Variants in ARNT2 observed in about 807,000 individuals in gnomAD.
ARNT2 encodes the protein aryl hydrocarbon receptor nuclear translocator 2.
A neutral mutation model predicts 91.7 loss-of-function variants in ARNT2; 36 were observed. The observed-to-expected ratio is 0.39, with a 90% CI of 0.30 to 0.52. ARNT2 has a LOEUF of 0.52. Ranked by LOEUF, ARNT2 falls within the 20% of genes least tolerant of loss-of-function variation. ARNT2 has a pLI of 0.72. For synonymous variants in ARNT2, 365 were observed against 347.1 expected (o/e 1.05, Z -0.57); for missense variants, 775 against 939.3 (o/e 0.83, Z 2.29).
chr15:80,450,484 G>A (rs186017270), intron 1 of ARNT2, among the ~76,000 whole-genome samples: 3 of 152,338 alleles, frequency 2.0e-5, no homozygotes, highest in Non-Finnish European at 2.9e-5. Context: ...CTCTCAGGGC[G>A]TGTGCCCCAT....
intron 6 of ARNT2, among the ~76,000 whole-genome samples, chr15:80,513,630 G>A (rs1897378119): frequency 6.9e-6 from 1 of 145,348 alleles, no homozygotes; most frequent in Non-Finnish European, 1.5e-5. Context: ...CTCTCCTAGA[G>A]TCTTTCTGTA....
intron 5 of ARNT2, among the ~76,000 whole-genome samples, chr15:80,507,373 G>A (rs1398838154): frequency 1.3e-5 from 2 of 152,150 alleles, no homozygotes; most frequent in Non-Finnish European, 2.9e-5. Flanking sequence ...AGGCGGTGAG[G>A]GAGAGGAGGG....
intron 1 of ARNT2, among the ~76,000 whole-genome samples, chr15:80,416,715 GT>G (rs1895790850): frequency 6.6e-6 from 1 of 151,822 alleles, no homozygotes; most frequent in Non-Finnish European, 1.5e-5. Context: ...TCTCAATTTG[GT>G]TTTGTCTGAT....
chr15:80,496,709 T>A (rs114700105), intron 5 of ARNT2, among the ~76,000 whole-genome samples: 1 of 152,338 alleles, frequency 6.6e-6, no homozygotes, highest in African/African-American at 2.4e-5. Flanking sequence ...GAGCTCAGCT[T>A]CTGGAAGTTG....
At chr15:80,443,303 A>T (rs569966204) in intron 1 of ARNT2, among the ~76,000 whole-genome samples, 1 of 152,344 alleles carries the variant, frequency 6.6e-6, no homozygotes, top group Non-Finnish European at 1.5e-5. Flanking sequence ...GCCTGATCAC[A>T]CAAGAACAAG....
chr15:80,522,723 A>G (rs1269805859), intron 8 of ARNT2, among the ~76,000 whole-genome samples: 2 of 151,706 alleles, frequency 1.3e-5, no homozygotes, highest in African/African-American at 4.9e-5. Flanking sequence ...TTGTTTACCA[A>G]AAACAACTGC....
chr15:80,445,619 A>G (rs1051765170), intron 1 of ARNT2, among the ~76,000 whole-genome samples: 1 of 151,888 alleles, frequency 6.6e-6, no homozygotes, highest in Non-Finnish European at 1.5e-5. Flanking sequence ...CCGGTGCAGC[A>G]TGGACTGGGT....
chr15:80,430,317 C>T (rs114156877), intron 1 of ARNT2, among the ~76,000 whole-genome samples: 10 of 152,322 alleles, frequency 6.6e-5, no homozygotes, highest in African/African-American at 2.4e-4. Flanking sequence ...ACCTGTTCTC[C>T]ACACCCGGCT....
chr15:80,535,933 T>A (rs1023843049), intron 8 of ARNT2, among the ~76,000 whole-genome samples: 3 of 152,204 alleles, frequency 2.0e-5, no homozygotes, highest in Non-Finnish European at 4.4e-5. Flanking sequence ...TTTTTATGTC[T>A]TTTTATGTAA....
rs547191587 is a variant in ARNT2 at position 80,570,258 on chromosome 15, TCTAA to T, written c.1317-3887_1317-3884del. On this transcript the variant is annotated intron_variant, in intron 12 of 18. Transcript: ENST00000303329. ...GTCGCCCTGGATGCATCATTTACATTCTAACTGTTACTCTGGACCCATAGTTCAC... is the reference window on the plus strand; with the variant it reads ...GTCGCCCTGGATGCATCATTTACATTCTGTTACTCTGGACCCATAGTTCAC... Among the ~76,000 whole-genome samples the T allele has an allele frequency of 4.2e-3, 633 of 152,326 alleles. 3 individuals carry two copies. Among genetic ancestry groups the T allele is most frequent in the Non-Finnish European group, 6.0e-3 (410 of 68,032 alleles).
At position 80,555,157 on chromosome 15, in the gene ARNT2, C is replaced by T. The variant is rs748345372; in HGVS notation, c.1164+18C>T. On this transcript the variant is annotated intron_variant, in intron 11 of 18. Coordinates refer to ENST00000303329, the MANE Select transcript of ARNT2 (RefSeq NM_014862.4). ...TCCAGCAGGTACATACTGCCAGTAC[C>T]CACTTAAAGCTGATGCATAGTCTGG... 5 of 1,612,742 alleles carry T rather than the reference C, an allele frequency of 3.1e-6. No individual in the cohort carries two copies. Among genetic ancestry groups the T allele is most frequent in the South Asian group, 1.1e-5 (1 of 91,012 alleles).
chr15:80,438,910 C>T (rs1264702086), intron 1 of ARNT2, among the ~76,000 whole-genome samples: 1 of 152,186 alleles, frequency 6.6e-6, no homozygotes, highest in Non-Finnish European at 1.5e-5. Flanking sequence ...AGACTGGTCT[C>T]GAACTCGTGA....
At chr15:80,502,248 G>A (rs1284798786) in intron 5 of ARNT2, among the ~76,000 whole-genome samples, 1 of 152,218 alleles carries the variant, frequency 6.6e-6, no homozygotes, top group Non-Finnish European at 1.5e-5. Flanking sequence ...TTCAGATGGA[G>A]CAGTTATAGA....
chr15:80,516,826 C>T (rs371393000), intron 8 of ARNT2, among the ~76,000 whole-genome samples: 2 of 8,684 alleles, frequency 2.3e-4, no homozygotes, highest in African/African-American at 4.1e-4. Context: ...TATACAATTA[C>T]AAATATATAT....
chr15:80,510,785 T>TGC (rs1897330371), intron 6 of ARNT2, among the ~76,000 whole-genome samples: 2 of 152,046 alleles, frequency 1.3e-5, no homozygotes, highest in Admixed American at 6.6e-5. Context: ...GCCGAGATCA[T>TGC]GCCACGCACT....
intron 1 of ARNT2, among the ~76,000 whole-genome samples, chr15:80,435,717 T>C (rs10851934): frequency 0.57 from 86,767 of 151,992 alleles, 24,897 homozygotes; most frequent in East Asian, 0.65. Context: ...AGCTTTGAAA[T>C]GGCCGTGGAT....
chr15:80,494,973 A>G (rs1189244104), intron 5 of ARNT2, among the ~76,000 whole-genome samples: 3 of 152,174 alleles, frequency 2.0e-5, no homozygotes, highest in Non-Finnish European at 2.9e-5. Flanking sequence ...AGAGGGACAA[A>G]GGGATTGACA....
At chr15:80,529,217 G>A (rs1897696596) in intron 8 of ARNT2, among the ~76,000 whole-genome samples, 1 of 152,180 alleles carries the variant, frequency 6.6e-6, no homozygotes, top group African/African-American at 2.4e-5. Flanking sequence ...GCCATTGCTA[G>A]CCTGCCCTGG....
At chr15:80,491,193 C>T (rs144300799) in intron 5 of ARNT2, among the ~76,000 whole-genome samples, 18 of 152,210 alleles carry the variant, frequency 1.2e-4, no homozygotes, top group African/African-American at 2.6e-4. Context: ...TTAGTTTTCA[C>T]GCTGCTGATA....
Sources: allele counts gnomAD v4.1 joint callset (sites outside exome capture counted in the v4.1 genomes callset), GRCh38; gene constraint gnomAD v4.1.1; transcripts MANE v1.5; gene names NCBI Gene and HGNC (gene_info 2026-07-23, HGNC 2026-07-21).